Variants in SRGAP1 observed in about 807,000 individuals in gnomAD.
The protein encoded by SRGAP1 is SLIT-ROBO Rho GTPase activating protein 1, also known as SLIT-ROBO Rho GTPase-activating protein 1.
SRGAP1 carries 43 observed loss-of-function variants against 121.9 expected under a neutral mutation model. The observed-to-expected ratio is 0.35, with a 90% CI of 0.28 to 0.46. SRGAP1 has a LOEUF of 0.46. SRGAP1 is among the 20% of genes least tolerant of loss of function. The probability of loss-of-function intolerance (pLI) is 1.00; values close to 1 mark genes in which losing one functional copy is unlikely to be tolerated. For missense variants in SRGAP1, 1,102 were observed against 1,350.9 expected (o/e 0.82, Z 2.89); for synonymous variants, 447 against 485.4 (o/e 0.92, Z 1.04).
At position 63,948,920 on chromosome 12, in the gene SRGAP1, A is replaced by G. The variant is rs1255953529; in HGVS notation, c.68-35027A>G. Among the ~76,000 whole-genome samples the G allele has an allele frequency of 1.4e-4, 12 of 86,554 alleles. 1 individual carries two copies. Among genetic ancestry groups the G allele is most frequent in the African/African-American group, 4.6e-4 (12 of 25,966 alleles). The allele number at this position is 86,554 out of a possible 152,430, so 56.8% of individuals were successfully genotyped here. Reference sequence around the variant, plus strand: ...TTCCATATATATATTTTCCATATATATATATTCCATATATATATTTTCCAT... The same window carrying G: ...TTCCATATATATATTTTCCATATATGTATATTCCATATATATATTTTCCAT... On this transcript the variant is annotated intron_variant, in intron 1 of 21. Coordinates refer to ENST00000355086, the MANE Select transcript of SRGAP1 (RefSeq NM_020762.4).
At chr12:63,861,876 C>A (rs2136267506) in intron 1 of SRGAP1, among the ~76,000 whole-genome samples, 1 of 152,136 alleles carries the variant, frequency 6.6e-6, no homozygotes. Context: ...AATCCCAGCA[C>A]TTTGGGAGGA....
At chr12:64,037,859 A>T (rs1388902279) in intron 4 of SRGAP1, among the ~76,000 whole-genome samples, 1 of 152,248 alleles carries the variant, frequency 6.6e-6, no homozygotes, top group Non-Finnish European at 1.5e-5. Context: ...TCAGTGGGTT[A>T]TGGGTGGTAA....
intron 8 of SRGAP1, among the ~76,000 whole-genome samples, chr12:64,069,067 T>C (rs1371345529): frequency 6.6e-6 from 1 of 151,680 alleles, no homozygotes; most frequent in East Asian, 1.9e-4. Context: ...TATTTATCAA[T>C]ATCCAGCCTC....
chr12:63,859,258 C>G (rs1899362109), intron 1 of SRGAP1, among the ~76,000 whole-genome samples: 1 of 152,150 alleles, frequency 6.6e-6, no homozygotes, highest in Non-Finnish European at 1.5e-5. Context: ...CCTCCCAGTT[C>G]AAGTGATTTT....
Position 64,123,155 on chromosome 12 carries a change from T to C in SRGAP1, c.2225-2822T>C, listed in dbSNP as rs146893104. ...GTAAAGCCAAATACAAATATGTGGG[T>C]GTGTTCACACAGGAATTTGCAAATT... is the stretch of plus-strand genomic sequence containing the variant. On this transcript the variant is annotated intron_variant, in intron 18 of 21. Coordinates refer to ENST00000355086, the MANE Select transcript of SRGAP1 (RefSeq NM_020762.4). 2.0e-5 allele frequency among the ~76,000 whole-genome samples: 3 copies of C among 152,356 alleles called. No individual in the cohort carries two copies. The East Asian group carries it at 5.8e-4, about 29-fold the overall frequency.
At chr12:63,985,324 CAGA>C (rs1021560462) in intron 2 of SRGAP1, among the ~76,000 whole-genome samples, 5 of 152,144 alleles carry the variant, frequency 3.3e-5, no homozygotes, top group African/African-American at 1.2e-4. Context: ...GTTTGCAGAA[CAGA>C]AGTAGTCCAG....
At chr12:63,859,988 T>C (rs1899392013) in intron 1 of SRGAP1, among the ~76,000 whole-genome samples, 2 of 152,338 alleles carry the variant, frequency 1.3e-5, no homozygotes, top group Admixed American at 1.3e-4. Flanking sequence ...ATGAGGTGTG[T>C]GTGTGTAAAT....
In SRGAP1 at chr12:64,149,121, T is replaced by TG. The variant is rs1470247942; in HGVS notation, c.*6452dup. 1 of 152,206 alleles carries TG rather than the reference T, an allele frequency of 6.6e-6. No homozygotes were observed. The highest frequency in any genetic ancestry group is 1.5e-5 in the Non-Finnish European group (1 of 68,038). 9.4% of individuals were successfully genotyped at this position (152,206 alleles called of 1,614,324 possible). On this transcript the variant is annotated 3_prime_UTR_variant, in exon 22 of 22. Transcript: ENST00000355086. The stretch of plus-strand genomic sequence containing the variant: ...ATTTTAGTATTTCCTGATTAAACTT[T>TG]GGGTAGTATATGCAGATATCTTTAA...
At chr12:63,898,692 G>A (rs1489594980) in intron 1 of SRGAP1, among the ~76,000 whole-genome samples, 1 of 152,050 alleles carries the variant, frequency 6.6e-6, no homozygotes, top group African/African-American at 2.4e-5. Flanking sequence ...TCAAAGCATT[G>A]GTTATAAGCT....
intron 1 of SRGAP1, among the ~76,000 whole-genome samples, chr12:63,916,898 G>C (rs2030805702): frequency 6.6e-6 from 1 of 152,128 alleles, no homozygotes; most frequent in African/African-American, 2.4e-5. Context: ...GGAAGTTGTG[G>C]TTTGGATCTG....
chr12:63,865,148 A>G (rs562855516), intron 1 of SRGAP1, among the ~76,000 whole-genome samples: 13 of 152,246 alleles, frequency 8.5e-5, no homozygotes, highest in African/African-American at 3.1e-4. Context: ...CCAATGAAAA[A>G]TAAGTTTTTC....
At chr12:63,949,732 C>T (rs1052014285) in intron 1 of SRGAP1, among the ~76,000 whole-genome samples, 1 of 152,026 alleles carries the variant, frequency 6.6e-6, no homozygotes, top group African/African-American at 2.4e-5. Flanking sequence ...TGTAGAAATG[C>T]GGTAGAGCAC....
chr12:63,888,062 A>G (rs1332737500), intron 1 of SRGAP1: 3 of 152,180 alleles, frequency 2.0e-5, no homozygotes, highest in Non-Finnish European at 4.4e-5. Flanking sequence ...AAATGTTGGC[A>G]TAGAGTTTAT....
chr12:63,919,435 G>A (rs1158431412), intron 1 of SRGAP1, among the ~76,000 whole-genome samples: 1 of 147,078 alleles, frequency 6.8e-6, no homozygotes, highest in South Asian at 2.1e-4. Context: ...CTACCAAAGT[G>A]CTGGGATTAC....
intron 21 of SRGAP1, among the ~76,000 whole-genome samples, chr12:64,130,742 A>C (rs2036772054): frequency 6.6e-6 from 1 of 152,192 alleles, no homozygotes; most frequent in Non-Finnish European, 1.5e-5. Context: ...CCTTGGTCAG[A>C]GGTAATGCTG....
chr12:63,929,759 G>A (rs1197993900), intron 1 of SRGAP1, among the ~76,000 whole-genome samples: 1 of 152,096 alleles, frequency 6.6e-6, no homozygotes, highest in Non-Finnish European at 1.5e-5. Context: ...TTGTTTTAGA[G>A]TAAACTGTTC....
intron 1 of SRGAP1, among the ~76,000 whole-genome samples, chr12:63,918,899 C>A (rs1454711123): frequency 1.3e-5 from 2 of 152,076 alleles, no homozygotes; most frequent in African/African-American, 4.8e-5. Flanking sequence ...TTAAAATAAA[C>A]AAGGAAATGA....
chr12:64,115,906 C>T lies in SRGAP1; in HGVS notation c.2224+13C>T. 1 of 1,603,666 alleles carries T rather than the reference C, an allele frequency of 6.2e-7. No homozygotes were observed. The highest frequency in any genetic ancestry group is 8.5e-7 in the Non-Finnish European group (1 of 1,173,926). ...ACAAGTGAAGATGGTATGCTCTCCC[C>T]TTATGCTATTATAAAGCCAGTCTTT... On this transcript the variant is annotated intron_variant, in intron 18 of 21. Transcript: ENST00000355086.
chr12:63,900,204 C>CT (rs67622101), intron 1 of SRGAP1, among the ~76,000 whole-genome samples: 5 of 87,524 alleles, frequency 5.7e-5, no homozygotes, highest in Non-Finnish European at 7.0e-5. Flanking sequence ...TTTTCTTTTT[C>CT]TTTTTTTTTT....
Sources: gnomAD v4.1 joint callset for allele counts (sites outside exome capture counted in the v4.1 genomes callset) on GRCh38, gnomAD v4.1.1 for gene constraint, MANE v1.5 for transcripts, NCBI Gene and HGNC (gene_info 2026-07-23, HGNC 2026-07-21) for gene names.